Variants in COBL observed in about 807,000 individuals in gnomAD.
The protein encoded by COBL is cordon-bleu WH2 repeat protein.
Under a neutral mutation model 98.8 loss-of-function variants are expected in COBL, and 51 were observed. That is an observed-to-expected ratio of 0.52 (90% CI 0.41 to 0.65). The LOEUF (loss-of-function observed/expected upper bound fraction) is 0.65. Among genes scored for constraint, COBL ranks in the 30% least tolerant of loss-of-function variants. The pLI is 0.00. For missense variants in COBL, 1,617 were observed against 1,617.5 expected, an observed-to-expected ratio of 1.00 and a Z score of 0.01; for synonymous variants, 634 against 651.7, an observed-to-expected ratio of 0.97 and a Z score of 0.41.
intron 7 of COBL, among the ~76,000 whole-genome samples, chr7:51,067,456 A>C (rs1792053428): frequency 6.6e-6 from 1 of 152,240 alleles, no homozygotes; most frequent in Admixed American, 6.5e-5. Flanking sequence ...GTATGCATAC[A>C]TGCACTGTAT....
At chr7:51,208,078 C>T (rs1472487600) in intron 2 of COBL, among the ~76,000 whole-genome samples, 1 of 149,268 alleles carries the variant, frequency 6.7e-6, no homozygotes, top group African/African-American at 2.5e-5. Context: ...GCCTCTGCCC[C>T]GCCGCCCCGT....
intron 6 of COBL, among the ~76,000 whole-genome samples, chr7:51,125,173 T>C (rs1798088134): frequency 6.6e-6 from 1 of 152,168 alleles, no homozygotes; most frequent in African/African-American, 2.4e-5. Flanking sequence ...TATTTGGAGA[T>C]GGGGCCTCTA....
intron 2 of COBL, among the ~76,000 whole-genome samples, chr7:51,208,279 A>G (rs1460159843): frequency 2.1e-5 from 3 of 139,724 alleles, no homozygotes; most frequent in East Asian, 2.2e-4. Context: ...CCCGGCAGCC[A>G]CCCCGTCTGG....
chr7:51,042,944 G>T (rs977645415), intron 8 of COBL, among the ~76,000 whole-genome samples: 4 of 152,176 alleles, frequency 2.6e-5, no homozygotes, highest in African/African-American at 9.7e-5. Flanking sequence ...AGCTGAAGAT[G>T]AGTCTCTTTC....
chr7:51,124,878 C>T (rs9769856), intron 6 of COBL, among the ~76,000 whole-genome samples: 92,245 of 151,980 alleles, frequency 0.61, 28,303 homozygotes, highest in Middle Eastern at 0.74. Flanking sequence ...TAGAGTGCAG[C>T]GGCGTGACCT....
chr7:51,121,991 A>G (rs1457001176), intron 6 of COBL, among the ~76,000 whole-genome samples: 1 of 152,208 alleles, frequency 6.6e-6, no homozygotes, highest in Non-Finnish European at 1.5e-5. Flanking sequence ...TTTGAACAGC[A>G]TAACTCTCTA....
intron 5 of COBL, among the ~76,000 whole-genome samples, chr7:51,177,239 G>A (rs1257558432): frequency 1.3e-5 from 2 of 152,092 alleles, no homozygotes; most frequent in African/African-American, 4.8e-5. Context: ...GCTCACTTGT[G>A]CCTCCTGAAA....
At chr7:51,210,094 T>C (rs1436296669) in intron 2 of COBL, among the ~76,000 whole-genome samples, 1 of 152,152 alleles carries the variant, frequency 6.6e-6, no homozygotes, top group Non-Finnish European at 1.5e-5. Context: ...ATCTCCACCT[T>C]GTGTGCCAAA....
chr7:51,314,283 C>A (rs2159196), intron 1 of COBL, among the ~76,000 whole-genome samples: 46,138 of 152,080 alleles, frequency 0.3, 8,793 homozygotes, highest in Non-Finnish European at 0.42. Context: ...TTCACCACAT[C>A]AGTTTGTTAT....
chr7:51,266,653 C>T (rs1798232373), intron 1 of COBL, among the ~76,000 whole-genome samples: 1 of 152,178 alleles, frequency 6.6e-6, no homozygotes, highest in South Asian at 2.1e-4. Flanking sequence ...CTGGCTGCTG[C>T]TTGCAAGTAC....
chr7:51,187,515 C>T (rs1310588656), intron 4 of COBL, among the ~76,000 whole-genome samples: 1 of 152,086 alleles, frequency 6.6e-6, no homozygotes. Flanking sequence ...TCCATACTGT[C>T]CCAAATTCTG....
intron 5 of COBL, among the ~76,000 whole-genome samples, chr7:51,138,110 G>A (rs1799407123): frequency 6.6e-6 from 1 of 152,168 alleles, no homozygotes; most frequent in South Asian, 2.1e-4. Flanking sequence ...GTGCTTCCCT[G>A]CAGACACTGA....
At chr7:51,043,135 G>A (rs2128888709) in intron 8 of COBL, among the ~76,000 whole-genome samples, 1 of 152,306 alleles carries the variant, frequency 6.6e-6, no homozygotes, top group Admixed American at 6.5e-5. Context: ...ATGATATTGA[G>A]TAGAAAAATA....
At chr7:51,058,986 C>A (rs1791052875) in intron 7 of COBL, among the ~76,000 whole-genome samples, 1 of 152,250 alleles carries the variant, frequency 6.6e-6, no homozygotes, top group Non-Finnish European at 1.5e-5. Flanking sequence ...TGTCCCCAGA[C>A]TGCACATGTT....
intron 6 of COBL, among the ~76,000 whole-genome samples, chr7:51,094,864 T>C (rs1795133660): frequency 6.6e-6 from 1 of 151,990 alleles, no homozygotes; most frequent in South Asian, 2.1e-4. Flanking sequence ...GACATCAAAA[T>C]ATGATGTGTA....
chr7:51,209,621 G>T (rs988983337), intron 2 of COBL, among the ~76,000 whole-genome samples: 2 of 152,034 alleles, frequency 1.3e-5, no homozygotes, highest in African/African-American at 4.8e-5. Context: ...TTAAAAATGC[G>T]AACACCACAG....
At chr7:51,220,699 G>A (rs1156277542) in intron 1 of COBL, among the ~76,000 whole-genome samples, 2 of 152,098 alleles carry the variant, frequency 1.3e-5, no homozygotes, top group African/African-American at 2.4e-5. Flanking sequence ...GGTAAATTGC[G>A]TGTCACCAGG....
chr7:51,148,759 A>G (rs1270276675), intron 5 of COBL, among the ~76,000 whole-genome samples: 2 of 152,164 alleles, frequency 1.3e-5, no homozygotes, highest in Non-Finnish European at 2.9e-5. Flanking sequence ...AGCCAGGCCA[A>G]GGTGTGGGAA....
At chr7:51,139,280 C>T (rs532876308) in intron 5 of COBL, among the ~76,000 whole-genome samples, 51 of 152,142 alleles carry the variant, frequency 3.4e-4, no homozygotes, top group African/African-American at 1.2e-3. Context: ...ATGTGGTTTC[C>T]TTCTTCTCTG....
Sources: gnomAD v4.1 joint callset for allele counts (sites outside exome capture counted in the v4.1 genomes callset) on GRCh38, gnomAD v4.1.1 for gene constraint, MANE v1.5 for transcripts, NCBI Gene and HGNC (gene_info 2026-07-23, HGNC 2026-07-21) for gene names.